Variants in IFT57 observed in about 807,000 individuals in gnomAD.
IFT57 encodes the protein intraflagellar transport 57.
A neutral mutation model predicts 56.8 loss-of-function variants in IFT57; 59 were observed. That is an observed-to-expected ratio of 1.04 (90% CI 0.84 to 1.29). IFT57 has a LOEUF of 1.29. Ranked by LOEUF, IFT57 falls within the 50% of genes most tolerant of loss-of-function variation. The probability of loss-of-function intolerance (pLI) is 0.00; values close to 1 mark genes in which losing one functional copy is unlikely to be tolerated. For synonymous variants in IFT57, 209 were observed against 186.1 expected, an observed-to-expected ratio of 1.12 and a Z score of -1.00; for missense variants, 470 against 522.1, an observed-to-expected ratio of 0.90 and a Z score of 0.97.
chr3:108,219,738 A>G (rs1171199433), intron 1 of IFT57, among the ~76,000 whole-genome samples, 166 bp from the exon 2 acceptor site: 1 of 152,128 alleles, frequency 6.6e-6, no homozygotes, highest in Non-Finnish European at 1.5e-5. Flanking sequence ...AATCCACAGC[A>G]CTCACATTGA....
Position 108,183,966 on chromosome 3 carries a change from T to C in IFT57, c.777+7555A>G, listed in dbSNP as rs192229614. ...TTATATTCAACTCAGCAACTTTCAA[T>C]TGATTCATGTAAAAATTTAAAAAGT... On this transcript the variant is annotated intron_variant, in intron 6 of 10. Coordinates refer to ENST00000264538, the MANE Select transcript of IFT57 (RefSeq NM_018010.4). Among the ~76,000 whole-genome samples the C allele has an allele frequency of 5.3e-5, 8 of 152,294 alleles. No individual in the cohort carries two copies. In the East Asian group the frequency reaches 7.7e-4, roughly 15 times the overall value.
chr3:108,188,086 C>A (rs917782754), intron 6 of IFT57, among the ~76,000 whole-genome samples: 4 of 152,006 alleles, frequency 2.6e-5, no homozygotes, highest in East Asian at 1.9e-4. Context: ...ATCCTTCCCC[C>A]CTCCTCCCAC....
intron 6 of IFT57, among the ~76,000 whole-genome samples, chr3:108,172,582 T>C (rs1425635156): frequency 6.6e-6 from 1 of 151,810 alleles, no homozygotes; most frequent in Non-Finnish European, 1.5e-5. Flanking sequence ...TGATATAGAT[T>C]AGCCAGGTCT....
chr3:108,204,071 T>A (rs1250799825), intron 5 of IFT57, among the ~76,000 whole-genome samples: 1 of 152,224 alleles, frequency 6.6e-6, no homozygotes, highest in Non-Finnish European at 1.5e-5. Flanking sequence ...TCTATGATAC[T>A]AACCTATATA....
intron 4 of IFT57, among the ~76,000 whole-genome samples, chr3:108,212,646 T>C (rs2080348944): frequency 6.6e-6 from 1 of 152,194 alleles, no homozygotes; most frequent in African/African-American, 2.4e-5. Context: ...AATGGACTAA[T>C]ACAAATGGCT....
Position 108,167,881 on chromosome 3 carries a change from C to A in IFT57, c.778-17G>T. 1 of 1,544,838 alleles carries A rather than the reference C, an allele frequency of 6.5e-7. No individual in the cohort carries two copies. The highest frequency in any genetic ancestry group is 8.7e-7 in the Non-Finnish European group (1 of 1,143,694). On this transcript the variant is annotated splice_polypyrimidine_tract_variant and intron_variant, in intron 6 of 10. Coordinates refer to ENST00000264538, the MANE Select transcript of IFT57 (RefSeq NM_018010.4). ...TCTCCAATCCTACAGGCATAGAGCA[C>A]ATAGAAATAATGTAAAAAATACTAC... is the stretch of plus-strand genomic sequence containing the variant.
chr3:108,199,607 C>A (rs938909451), intron 5 of IFT57, among the ~76,000 whole-genome samples: 1 of 152,142 alleles, frequency 6.6e-6, no homozygotes, highest in East Asian at 1.9e-4. Context: ...AGAAAAGAAG[C>A]CAAGAAGTTA....
intron 6 of IFT57, among the ~76,000 whole-genome samples, chr3:108,189,643 C>T (rs553793869): frequency 6.6e-6 from 1 of 152,130 alleles, no homozygotes; most frequent in Non-Finnish European, 1.5e-5. Flanking sequence ...ATTTACACTA[C>T]CACTAGAATA....
intron 6 of IFT57, among the ~76,000 whole-genome samples, chr3:108,177,114 G>A (rs1335296247): frequency 1.3e-5 from 2 of 151,718 alleles, no homozygotes; most frequent in East Asian, 3.9e-4. Flanking sequence ...ATGGTTAGGG[G>A]AGACTTCAGT....
chr3:108,186,487 G>A (rs2080183303), intron 6 of IFT57, among the ~76,000 whole-genome samples: 1 of 152,192 alleles, frequency 6.6e-6, no homozygotes, highest in East Asian at 1.9e-4. Context: ...AGAAGAAGTA[G>A]TACCAGAAAA....
intron 3 of IFT57, among the ~76,000 whole-genome samples, chr3:108,217,144 T>A (rs539334641): frequency 8.5e-5 from 13 of 152,294 alleles, no homozygotes; most frequent in South Asian, 8.3e-4. Flanking sequence ...ATGATGAATA[T>A]GTTAATTTCA....
At chr3:108,173,770 G>GTC (rs2080107553) in intron 6 of IFT57, among the ~76,000 whole-genome samples, 1 of 15,968 alleles carries the variant, frequency 6.3e-5, no homozygotes. Flanking sequence ...GGGACTCTGT[G>GTC]TGTGTGTGTG....
chr3:108,199,324 G>A (rs1253085434), intron 5 of IFT57, among the ~76,000 whole-genome samples: 2 of 152,216 alleles, frequency 1.3e-5, no homozygotes, highest in East Asian at 1.9e-4. Flanking sequence ...AGAAAGACAA[G>A]TATGTTTTAA....
chr3:108,222,370 C>T lies in IFT57; in HGVS notation c.-48G>A. 4 of 1,517,694 alleles carry T rather than the reference C, an allele frequency of 2.6e-6. No individual in the cohort carries two copies. In the African/African-American group the frequency reaches 5.6e-5, roughly 21 times the overall value. The allele number at this position is 1,517,694 out of a possible 1,614,324, so 94.0% of individuals were successfully genotyped here. A position where few individuals can be genotyped will look rare whatever the true frequency, so the allele number is the denominator to read the frequency against. On this transcript the variant is annotated 5_prime_UTR_variant, in exon 1 of 11. Transcript: ENST00000264538. ...GTGGGCTCAGGCCCACAGACCTCTG[C>T]GGCCTAAGCCGCCAGCCCTGCCGCC...
intron 6 of IFT57, among the ~76,000 whole-genome samples, chr3:108,182,373 T>C (rs936611605): frequency 1.4e-4 from 21 of 152,092 alleles, no homozygotes; most frequent in Non-Finnish European, 3.1e-4. Context: ...TTAGATCTAA[T>C]ATAGCAATTC....
chr3:108,201,151 G>A (rs1240141869), intron 5 of IFT57, among the ~76,000 whole-genome samples: 2 of 152,170 alleles, frequency 1.3e-5, no homozygotes, highest in Non-Finnish European at 2.9e-5. Flanking sequence ...GTGACACAGA[G>A]TCAGGAATTC....
intron 5 of IFT57, among the ~76,000 whole-genome samples, chr3:108,200,518 G>A (rs1273500391): frequency 6.6e-6 from 1 of 152,134 alleles, no homozygotes; most frequent in Non-Finnish European, 1.5e-5. Flanking sequence ...CTGAAAAAAT[G>A]TATATAGTCT....
At chr3:108,187,668 A>G (rs1445039841) in intron 6 of IFT57, among the ~76,000 whole-genome samples, 2 of 151,876 alleles carry the variant, frequency 1.3e-5, no homozygotes, top group Non-Finnish European at 2.9e-5. Flanking sequence ...TGAGAGAAAA[A>G]CGCAAAACAC....
intron 4 of IFT57, among the ~76,000 whole-genome samples, chr3:108,207,253 G>A (rs143405361): frequency 6.6e-6 from 1 of 152,268 alleles, no homozygotes; most frequent in East Asian, 1.9e-4. Context: ...AAAAAGGATA[G>A]TATAGGTGGA....
Sources: allele counts gnomAD v4.1 joint callset (sites outside exome capture counted in the v4.1 genomes callset), GRCh38; gene constraint gnomAD v4.1.1; transcripts MANE v1.5; gene names NCBI Gene and HGNC (gene_info 2026-07-23, HGNC 2026-07-21).